The following GBP5 variants were observed in gnomAD, a reference collection of about 807,000 sequenced individuals.
GBP5 encodes guanylate-binding protein 5.
Under a neutral mutation model 58.2 loss-of-function variants are expected in GBP5, and 48 were observed. That is an observed-to-expected ratio of 0.83 (90% CI 0.65 to 1.05). The LOEUF (loss-of-function observed/expected upper bound fraction) is 1.05, where lower values mean the gene tolerates loss of function less well. Ranked by LOEUF, GBP5 falls within the 50% of genes least tolerant of loss-of-function variation. GBP5 has a pLI of 0.00. For missense variants in GBP5, 714 were observed against 686.8 expected (o/e 1.04, Z -0.44); for synonymous variants, 248 against 251.8 (o/e 0.98, Z 0.14).
At position 89,257,913 on chromosome 1, in the gene GBP5, G is replaced by C. The variant is rs1333778710; in HGVS notation, c.*2791C>G. 6.6e-6 allele frequency among the ~76,000 whole-genome samples: 1 copy of C among 152,214 alleles called. No individual in the cohort carries two copies. Among genetic ancestry groups the C allele is most frequent in the Non-Finnish European group, 1.5e-5 (1 of 68,036 alleles). ...TTAACAAGGCTGCATTCCATCTGCA[G>C]GCTCTAGGGGAGAATCTATTGCTTT... is the stretch of plus-strand genomic sequence containing the variant. On this transcript the variant is annotated 3_prime_UTR_variant, in exon 12 of 12. Transcript: ENST00000370459.
chr1:89,267,176 T>C (rs1289416574), intron 5 of GBP5, 23 bp from the exon 6 acceptor site: 1 of 1,560,954 alleles, frequency 6.4e-7, no homozygotes, highest in Non-Finnish European at 8.7e-7. Context: ...TAAAGAAAAC[T>C]GGCAGAAATA....
At chr1:89,268,285 A>G (rs547912995) in intron 4 of GBP5, among the ~76,000 whole-genome samples, 1 of 152,348 alleles carries the variant, frequency 6.6e-6, no homozygotes, top group Admixed American at 6.5e-5. Flanking sequence ...CCATGTATCT[A>G]CTGTTTTTAA....
Position 89,257,205 on chromosome 1 carries a change from C to T in GBP5, c.*3499G>A, listed in dbSNP as rs972132856. Among the ~76,000 whole-genome samples, 1 of 152,118 alleles carries T rather than the reference C, an allele frequency of 6.6e-6. No homozygotes were observed. The highest frequency in any genetic ancestry group is 2.4e-5 in the African/African-American group (1 of 41,416). ...TCACATGGGTGGGGAGGCCTCACAA[C>T]CACAGCAGAAGATGAAAGAGGAACA... On this transcript the variant is annotated 3_prime_UTR_variant, in exon 12 of 12. Coordinates refer to ENST00000370459, the MANE Select transcript of GBP5 (RefSeq NM_052942.5).
chr1:89,269,703 G>A, intron 2 of GBP5, 129 bp from the exon 3 acceptor site: 1 of 551,860 alleles, frequency 1.8e-6, no homozygotes, highest in Admixed American at 3.2e-5. Flanking sequence ...GAAAAAAAAA[G>A]TTTTAAAATA....
Position 89,267,493 on chromosome 1 carries a change from G to C in GBP5, c.352C>G (p.Leu118Val). The C allele has an allele frequency of 6.2e-7, 1 of 1,613,896 alleles. No homozygotes were observed. Among genetic ancestry groups the C allele is most frequent in the Non-Finnish European group, 8.5e-7 (1 of 1,179,766 alleles). ...DNKNDIQIFA[L>V]ALLLSSTFVY... ...AAGGTGCTGCTCAGTAAGAGTGCCAGTGCAAAGATCTGGATATCATTCTTG... is the reference window on the plus strand; with the variant it reads ...AAGGTGCTGCTCAGTAAGAGTGCCACTGCAAAGATCTGGATATCATTCTTG... Residue 118 changes from leucine to valine, a missense_variant, in exon 5 of 12, where the codon CTG (leucine) becomes GTG (valine). Leu to Val is a conservative substitution (Grantham distance 32). Transcript: ENST00000370459.
intron 2 of GBP5, 85 bp from the exon 3 acceptor site, chr1:89,269,659 G>T (rs537772514): frequency 8.3e-6 from 7 of 844,618 alleles, no homozygotes; most frequent in Non-Finnish European, 1.2e-5. Context: ...TGAACCTGGG[G>T]ACATACTACT....
At position 89,260,627 on chromosome 1, in the gene GBP5, C is replaced by T. The variant is rs1649971362; in HGVS notation, c.*77G>A. The T allele has an allele frequency of 6.0e-6, 5 of 835,686 alleles. No homozygotes were observed. In the South Asian group the frequency reaches 6.0e-5, roughly 10 times the overall value. 51.8% of individuals were successfully genotyped at this position (835,686 alleles called of 1,614,324 possible). ...TAAAGTTTATTTAAATGTTGATTGT[C>T]CCAAGGTCTACAGTTTCTTTTCTGT... On this transcript the variant is annotated 3_prime_UTR_variant, in exon 12 of 12. Coordinates refer to ENST00000370459, the MANE Select transcript of GBP5 (RefSeq NM_052942.5).
At chr1:89,261,993 A>G (rs996960230) in intron 11 of GBP5, 3 of 551,008 alleles carry the variant, frequency 5.4e-6, no homozygotes, top group Non-Finnish European at 9.7e-6. Context: ...TAACATAGAT[A>G]TCATCACTGT....
intron 10 of GBP5, 112 bp from the exon 11 acceptor site, chr1:89,262,513 T>C: frequency 9.4e-7 from 1 of 1,066,446 alleles, no homozygotes; most frequent in Non-Finnish European, 1.4e-6. Context: ...GGGTTGTTTT[T>C]CCCTTCCAGG....
At chr1:89,266,850 T>A in intron 6 of GBP5, 107 bp downstream of exon 6, 1 of 691,602 alleles carries the variant, frequency 1.4e-6, no homozygotes, top group Non-Finnish European at 2.3e-6. Context: ...GAGAGCTGGG[T>A]GAATATATAT....
In GBP5 at chr1:89,256,602, AACTG is replaced by A. The variant is rs1649801549; in HGVS notation, c.*4098_*4101del. ...TGAAAGGGAACAAAGATTGTGTTGAAACTGACTGAGACATGGGGTCAAGAGAGAT... is the reference window on the plus strand; with the variant it reads ...TGAAAGGGAACAAAGATTGTGTTGAAACTGAGACATGGGGTCAAGAGAGAT... On this transcript the variant is annotated 3_prime_UTR_variant, in exon 12 of 12. Transcript: ENST00000370459. Among the ~76,000 whole-genome samples, 2 of 152,238 alleles carry A rather than the reference AACTG, an allele frequency of 1.3e-5. No individual in the cohort carries two copies. The highest frequency in any genetic ancestry group is 4.8e-5 in the African/African-American group (2 of 41,456).
chr1:89,269,273 C>T, intron 3 of GBP5, 93 bp downstream of exon 3: 1 of 1,257,724 alleles, frequency 8.0e-7, no homozygotes, highest in Non-Finnish European at 1.1e-6. Flanking sequence ...AATATTCATC[C>T]TCATGTCTTA....
At position 89,261,195 on chromosome 1, in the gene GBP5, C is replaced by T. The variant is rs577600319; in HGVS notation, c.1648-378G>A. ...CAAAAACAGTGTATCTAAGTGACAT[C>T]GGAATCAGGTGGGCTGTCCAATCTT... On this transcript the variant is annotated intron_variant, in intron 11 of 11. Transcript: ENST00000370459. Among the ~76,000 whole-genome samples the T allele has an allele frequency of 6.6e-5, 10 of 152,300 alleles. No homozygotes were observed. In the South Asian group the frequency reaches 8.3e-4, roughly 13 times the overall value.
Position 89,262,406 on chromosome 1 carries a change from G to A in GBP5, c.1466-5C>T, listed in dbSNP as rs769935196. 6 of 1,612,220 alleles carry A rather than the reference G, an allele frequency of 3.7e-6. No homozygotes were observed. Among genetic ancestry groups the A allele is most frequent in the Admixed American group, 1.7e-5 (1 of 59,838 alleles). Reference sequence around the variant, plus strand: ...CTTCTGCTTTCACTTGTGCCTCTGAGGAGAAAAAGATAATCTTCTCTAGGA... The same window carrying A: ...CTTCTGCTTTCACTTGTGCCTCTGAAGAGAAAAAGATAATCTTCTCTAGGA... On this transcript the variant is annotated splice_region_variant and splice_polypyrimidine_tract_variant and intron_variant, in intron 10 of 11. Transcript: ENST00000370459.
At chr1:89,262,619 G>A in intron 10 of GBP5, 64 bp downstream of exon 10, 2 of 1,234,052 alleles carry the variant, frequency 1.6e-6, no homozygotes, top group Non-Finnish European at 2.3e-6. Context: ...ATGAGGGCCA[G>A]GCCAAATTTA....
rs1650112839 is a variant in GBP5 at position 89,263,957 on chromosome 1, A to T, written c.1150-9T>A. 1 of 1,524,814 alleles carries T rather than the reference A, an allele frequency of 6.6e-7. No individual in the cohort carries two copies. Among genetic ancestry groups the T allele is most frequent in the African/African-American group, 1.4e-5 (1 of 72,220 alleles). 94.5% of individuals were successfully genotyped at this position (1,524,814 alleles called of 1,614,324 possible). On this transcript the variant is annotated splice_polypyrimidine_tract_variant and intron_variant, in intron 8 of 11. Coordinates refer to ENST00000370459, the MANE Select transcript of GBP5 (RefSeq NM_052942.5). ...TTTGCATCTAGTAGAGTCTTCAAAG[A>T]GACAAAAACCCATGGAAAAGATGTT... is the stretch of plus-strand genomic sequence containing the variant.
chr1:89,265,950 T>C (rs1175516498), intron 7 of GBP5, among the ~76,000 whole-genome samples: 2 of 152,198 alleles, frequency 1.3e-5, no homozygotes, highest in Non-Finnish European at 2.9e-5. Context: ...AATTTGGGCC[T>C]TTGTTTAAAG....
rs922953010 is a variant in GBP5 at position 89,256,900 on chromosome 1, C to G, written c.*3804G>C. 6.6e-6 allele frequency among the ~76,000 whole-genome samples: 1 copy of G among 152,066 alleles called. No homozygotes were observed. The highest frequency in any genetic ancestry group is 2.4e-5 in the African/African-American group (1 of 41,412). On this transcript the variant is annotated 3_prime_UTR_variant, in exon 12 of 12. Transcript: ENST00000370459. ...CTATAAAGTCTATTTTTTGGACTTT[C>G]TATTCTGTTGGTGATCGTTATACAC...
chr1:89,264,972 T>C lies in GBP5; in HGVS notation c.869-6A>G. On this transcript the variant is annotated splice_region_variant and splice_polypyrimidine_tract_variant and intron_variant, in intron 7 of 11. Transcript: ENST00000370459. Reference sequence around the variant, plus strand: ...CAGCACCAGGTTCTTTAGACCTTCATGGAAGAAAGAAACATTTATATTATT... The same window carrying C: ...CAGCACCAGGTTCTTTAGACCTTCACGGAAGAAAGAAACATTTATATTATT... 1 of 1,601,696 alleles carries C rather than the reference T, an allele frequency of 6.2e-7. No individual in the cohort carries two copies. Among genetic ancestry groups the C allele is most frequent in the Admixed American group, 1.7e-5 (1 of 58,994 alleles).
Sources: gnomAD v4.1 joint callset for allele counts (sites outside exome capture counted in the v4.1 genomes callset) on GRCh38, gnomAD v4.1.1 for gene constraint, MANE v1.5 for transcripts, NCBI Gene and HGNC (gene_info 2026-07-23, HGNC 2026-07-21) for gene names.